Variants in ERAP2 observed in about 807,000 individuals in gnomAD.
ERAP2 encodes leukocyte-derived arginine aminopeptidase.
A neutral mutation model predicts 111.1 loss-of-function variants in ERAP2; 118 were observed. The ratio of observed to expected loss-of-function variants is 1.06; its 90% CI spans 0.92 to 1.24. The LOEUF is 1.24. Among genes scored for constraint, ERAP2 ranks in the 50% most tolerant of loss-of-function variants. The pLI is 0.00. For synonymous variants in ERAP2, 410 were observed against 401.2 expected (o/e 1.02, Z -0.26); for missense variants, 1,131 against 1,125.8 (o/e 1.00, Z -0.07).
At chr5:96,876,393 A>T (rs749526787), upstream of ERAP2, 3 of 152,344 alleles carry the variant, frequency 2.0e-5, no homozygotes, top group Non-Finnish European at 2.9e-5. Context: ...CCTAAGCTCC[A>T]TTCACACCTG....
rs772964191 is a variant in ERAP2 at position 96,888,825 on chromosome 5, G to A, written c.850-360G>A. On this transcript the variant is annotated intron_variant, in intron 4 of 18. Coordinates refer to ENST00000437043, the MANE Select transcript of ERAP2 (RefSeq NM_022350.5). ...ATGTTTTATTTGAATTGTGTTTGTG[G>A]TCATCATTTTGGAAAGCTAGTTGAC... is the stretch of plus-strand genomic sequence containing the variant. Among the ~76,000 whole-genome samples, 4 of 152,240 alleles carry A rather than the reference G, an allele frequency of 2.6e-5. No homozygotes were observed. In the South Asian group the frequency reaches 8.3e-4, roughly 32 times the overall value.
intron 4 of ERAP2, 46 bp downstream of exon 4, chr5:96,886,835 G>A: frequency 3.0e-6 from 4 of 1,346,584 alleles, no homozygotes; most frequent in Non-Finnish European, 3.9e-6. Flanking sequence ...AAAGTGTCCT[G>A]AGAGCAATGA....
chr5:96,882,860 CCTCTCT>C (rs1561359795), intron 2 of ERAP2, among the ~76,000 whole-genome samples: 1 of 152,090 alleles, frequency 6.6e-6, no homozygotes, highest in Non-Finnish European at 1.5e-5. Context: ...TCCCTCCTGA[CCTCTCT>C]CTCCCTCTTA....
chr5:96,889,394 A>C (rs1183078983), intron 5 of ERAP2, 89 bp downstream of exon 5: 1 of 1,411,846 alleles, frequency 7.1e-7, no homozygotes, highest in Non-Finnish European at 1.0e-6. Context: ...TGTGATTTAA[A>C]TGAGCACTGA....
Position 96,915,657 on chromosome 5 carries a change from G to T in ERAP2, c.2658-31G>T. On this transcript the variant is annotated intron_variant, in intron 17 of 18. Coordinates refer to ENST00000437043, the MANE Select transcript of ERAP2 (RefSeq NM_022350.5). ...ATAAACATAAGGTCAGTATTTCTAT[G>T]ACTTTCTATGGTGTTTCTTTTTATT... 3 of 1,371,292 alleles carry T rather than the reference G, an allele frequency of 2.2e-6. No homozygotes were observed. In the South Asian group the frequency reaches 4.3e-5, roughly 20 times the overall value. 84.9% of individuals were successfully genotyped at this position (1,371,292 alleles called of 1,614,324 possible). A position where few individuals can be genotyped will look rare whatever the true frequency, so the allele number is the denominator to read the frequency against.
At chr5:96,916,561 T>C (rs1443819698) in intron 18 of ERAP2, among the ~76,000 whole-genome samples, 3 of 150,010 alleles carry the variant, frequency 2.0e-5, no homozygotes, top group Non-Finnish European at 3.0e-5. Context: ...CCTCCCAGGT[T>C]CACGCCATTC....
intron 5 of ERAP2, among the ~76,000 whole-genome samples, chr5:96,891,483 ATG>A (rs1173728929): frequency 8.2e-4 from 114 of 138,712 alleles, no homozygotes; most frequent in Middle Eastern, 3.8e-3. Context: ...ATATATATAT[ATG>A]TGTGTGTGTG....
chr5:96,910,453 GA>G lies in ERAP2; in HGVS notation c.2354+700del, dbSNP rs556467501. ...GGATTCAAGCCTGAAATCAGTTTTAGAAAAAAAAAAACTTAAAAAAAAACCT... is the reference window on the plus strand; with the variant it reads ...GGATTCAAGCCTGAAATCAGTTTTAGAAAAAAAAAACTTAAAAAAAAACCT... On this transcript the variant is annotated intron_variant, in intron 15 of 18. Transcript: ENST00000437043. Among the ~76,000 whole-genome samples, 115 of 140,160 alleles carry G rather than the reference GA, an allele frequency of 8.2e-4. No homozygotes were observed. In the South Asian group the frequency reaches 0.018, roughly 21 times the overall value. The allele number at this position is 140,160 out of a possible 152,430, so 92.0% of individuals were successfully genotyped here.
intron 11 of ERAP2, among the ~76,000 whole-genome samples, chr5:96,902,032 C>A (rs1035170632): frequency 1.3e-5 from 2 of 152,182 alleles, no homozygotes; most frequent in African/African-American, 4.8e-5. Flanking sequence ...GCAAATGACA[C>A]AAGTATTTGT....
chr5:96,883,079 A>T (rs1277247980), intron 2 of ERAP2, among the ~76,000 whole-genome samples: 9 of 152,182 alleles, frequency 5.9e-5, no homozygotes. Context: ...AGAGAACTAG[A>T]AGTACCTGGG....
chr5:96,895,289 G>T lies in ERAP2; in HGVS notation c.1169G>T (p.Trp390Leu), dbSNP rs777287687. 1 of 1,612,868 alleles carries T rather than the reference G, an allele frequency of 6.2e-7. No individual in the cohort carries two copies. The highest frequency in any genetic ancestry group is 1.7e-5 in the Admixed American group (1 of 59,840). Residue 390 changes from tryptophan to leucine, a missense_variant, in exon 7 of 19, where the codon TGG becomes TTG. Physicochemically the swap from Trp to Leu is moderately conservative, Grantham distance 61. Coordinates refer to ENST00000437043, the MANE Select transcript of ERAP2 (RefSeq NM_022350.5). ...LVTMEWWNDI[W>L]LKEGFAKYME... ...ACAATGGAATGGTGGAATGATATTT[G>T]GCTTAAGGAGGGTTTTGCAAAATAC...
intron 9 of ERAP2, among the ~76,000 whole-genome samples, chr5:96,898,510 G>A (rs3096167): frequency 0.54 from 79,875 of 148,474 alleles, 21,557 homozygotes; most frequent in Admixed American, 0.58. Flanking sequence ...GGGAGACCGA[G>A]GTGGGCAAAT....
At chr5:96,889,348 A>G in intron 5 of ERAP2, 43 bp downstream of exon 5, 1 of 1,610,716 alleles carries the variant, frequency 6.2e-7, no homozygotes, top group Non-Finnish European at 8.5e-7. Flanking sequence ...TTTGCTCATA[A>G]AACTTGCTTT....
chr5:96,877,187 C>T (rs1160651828), intron 1 of ERAP2, among the ~76,000 whole-genome samples: 1 of 152,114 alleles, frequency 6.6e-6, no homozygotes, highest in Non-Finnish European at 1.5e-5. Context: ...GTTGGTGAGG[C>T]TGGTCTCGAA....
At position 96,886,804 on chromosome 5, in the gene ERAP2, T is replaced by C; in HGVS notation, c.849+15T>C. 6.8e-7 allele frequency: 1 copy of C among 1,472,568 alleles called. No homozygotes were observed. The highest frequency in any genetic ancestry group is 2.4e-5 in the East Asian group (1 of 41,534). The allele number at this position is 1,472,568 out of a possible 1,614,324, so 91.2% of individuals were successfully genotyped here. A position where few individuals can be genotyped will look rare whatever the true frequency, so the allele number is the denominator to read the frequency against. The stretch of plus-strand genomic sequence containing the variant: ...CAGGGGTCAAGGTGAGACTGAGTTC[T>C]AACGTTCTACGCAGTGCAGAAAAGT... On this transcript the variant is annotated intron_variant, in intron 4 of 18. Transcript: ENST00000437043.
chr5:96,893,045 G>A lies in ERAP2; in HGVS notation c.1125+592G>A, dbSNP rs1024509252. On this transcript the variant is annotated intron_variant, in intron 6 of 18. Coordinates refer to ENST00000437043, the MANE Select transcript of ERAP2 (RefSeq NM_022350.5). Reference sequence around the variant, plus strand: ...GGAAAGTGTGCGGATCACATAGTAAGCACTCAATAAGTATTAGTTATTAAT... The same window carrying A: ...GGAAAGTGTGCGGATCACATAGTAAACACTCAATAAGTATTAGTTATTAAT... Among the ~76,000 whole-genome samples the A allele has an allele frequency of 2.0e-5, 3 of 152,232 alleles. No homozygotes were observed. The East Asian group carries it at 5.8e-4, about 29-fold the overall frequency.
chr5:96,882,497 C>T (rs1783247770), intron 2 of ERAP2, among the ~76,000 whole-genome samples: 1 of 152,202 alleles, frequency 6.6e-6, no homozygotes, highest in African/African-American at 2.4e-5. Context: ...ATGAATCTCT[C>T]TCTCTTTCTT....
intron 1 of ERAP2, 149 bp from the exon 2 acceptor site, chr5:96,879,415 T>A: frequency 2.8e-6 from 1 of 355,434 alleles, no homozygotes; most frequent in South Asian, 5.4e-5. Flanking sequence ...GATAACAGCT[T>A]AATTTCTGCT....
chr5:96,883,100 C>T (rs1335220429), intron 2 of ERAP2, among the ~76,000 whole-genome samples: 1 of 152,126 alleles, frequency 6.6e-6, no homozygotes, highest in Non-Finnish European at 1.5e-5. Context: ...GGCACAGGTG[C>T]CACAGACAGA....
Sources: allele counts gnomAD v4.1 joint callset (sites outside exome capture counted in the v4.1 genomes callset), GRCh38; gene constraint gnomAD v4.1.1; transcripts MANE v1.5; gene names NCBI Gene and HGNC (gene_info 2026-07-23, HGNC 2026-07-21).